MARCHF1: variants seen among roughly 807,000 people sequenced by gnomAD.
MARCHF1 encodes E3 ubiquitin-protein ligase MARCHF1.
In MARCHF1, 40 loss-of-function variants were observed where a neutral mutation model predicts 54.2. The observed-to-expected ratio is 0.74, with a 90% CI of 0.57 to 0.96. The LOEUF (loss-of-function observed/expected upper bound fraction) is 0.96, where lower values mean the gene tolerates loss of function less well. MARCHF1 is among the 40% of genes least tolerant of loss of function. The pLI, the probability that MARCHF1 is intolerant of heterozygous loss-of-function variation, is 0.00. For synonymous variants in MARCHF1, 236 were observed against 236.3 expected (o/e 1.00, Z 0.01); for missense variants, 586 against 656.5 (o/e 0.89, Z 1.17).
chr4:164,189,284 A>G, intron 1 of MARCHF1: 1 of 592,928 alleles, frequency 1.7e-6, no homozygotes, highest in East Asian at 2.8e-5. Flanking sequence ...TCTCCTCAAC[A>G]TCAAGCAAGA....
chr4:163,595,622 G>A (rs887042784), intron 7 of MARCHF1, among the ~76,000 whole-genome samples: 7 of 152,148 alleles, frequency 4.6e-5, no homozygotes, highest in Admixed American at 4.6e-4. Flanking sequence ...GAAATTTGAG[G>A]AAATTATGCC....
chr4:164,101,445 G>A (rs1167903899), intron 2 of MARCHF1, among the ~76,000 whole-genome samples: 73 of 118,968 alleles, frequency 6.1e-4, no homozygotes, highest in Non-Finnish European at 1.2e-3. Context: ...CCTCAAGTGG[G>A]TTCCTGACCC....
chr4:163,894,019 C>T (rs2111279658), intron 3 of MARCHF1, among the ~76,000 whole-genome samples: 1 of 152,284 alleles, frequency 6.6e-6, no homozygotes, highest in East Asian at 1.9e-4. Context: ...CACTTTATGA[C>T]ACCTCAATTA....
chr4:163,755,705 A>G (rs542833350), intron 4 of MARCHF1, among the ~76,000 whole-genome samples: 1 of 152,300 alleles, frequency 6.6e-6, no homozygotes, highest in East Asian at 1.9e-4. Flanking sequence ...AAGATCACCA[A>G]AATAAGTATG....
intron 1 of MARCHF1, among the ~76,000 whole-genome samples, chr4:164,157,545 C>T (rs1408717632): frequency 2.0e-5 from 3 of 152,132 alleles, no homozygotes; most frequent in African/African-American, 7.2e-5. Context: ...TGCTGTTTTG[C>T]AGTTCTGGAA....
intron 2 of MARCHF1, among the ~76,000 whole-genome samples, chr4:164,028,378 A>G (rs1057083769): frequency 1.3e-5 from 2 of 152,198 alleles, no homozygotes; most frequent in Non-Finnish European, 2.9e-5. Context: ...ACACCAAGAA[A>G]TACTTCACAT....
At chr4:164,040,054 T>C (rs1199715431) in intron 2 of MARCHF1, among the ~76,000 whole-genome samples, 1 of 146,562 alleles carries the variant, frequency 6.8e-6, no homozygotes, top group Non-Finnish European at 1.5e-5. Flanking sequence ...AATTTATATA[T>C]ACAAATTATA....
chr4:164,155,598 C>A (rs59965884), intron 1 of MARCHF1, among the ~76,000 whole-genome samples: 1 of 152,086 alleles, frequency 6.6e-6, no homozygotes, highest in Non-Finnish European at 1.5e-5. Flanking sequence ...TCGAATACCA[C>A]ATGTTCTCAC....
At chr4:164,168,395 A>G (rs1485416543) in intron 1 of MARCHF1, among the ~76,000 whole-genome samples, 1 of 152,060 alleles carries the variant, frequency 6.6e-6, no homozygotes, top group Admixed American at 6.6e-5. Flanking sequence ...TTTTCTGTGT[A>G]TATGTCCAAA....
At chr4:164,235,923 T>C (rs1213057519) in intron 1 of MARCHF1, among the ~76,000 whole-genome samples, 2 of 152,122 alleles carry the variant, frequency 1.3e-5, no homozygotes, top group African/African-American at 4.8e-5. Flanking sequence ...GCAAGTTCTT[T>C]TGGCCTCCTC....
intron 3 of MARCHF1, among the ~76,000 whole-genome samples, chr4:163,860,266 T>A (rs1289443692): frequency 6.6e-6 from 1 of 152,128 alleles, no homozygotes; most frequent in African/African-American, 2.4e-5. Context: ...AGGGATTAGA[T>A]TGAAAGTGAG....
chr4:164,176,974 CTCTCTCTATA>C (rs1308909344), intron 1 of MARCHF1, among the ~76,000 whole-genome samples: 614 of 29,808 alleles, frequency 0.021, 5 homozygotes, highest in Admixed American at 0.033. Flanking sequence ...CTCTCTCTCT[CTCTCTCTATA>C]TATATATATA....
At chr4:164,084,722 A>G (rs1331747892) in intron 2 of MARCHF1, among the ~76,000 whole-genome samples, 1 of 75,686 alleles carries the variant, frequency 1.3e-5, no homozygotes, top group Non-Finnish European at 4.4e-5. Flanking sequence ...CTGCAAAGTA[A>G]GCAATGTTTT....
chr4:164,350,578 G>T (rs886575827), intron 1 of MARCHF1, among the ~76,000 whole-genome samples: 1 of 152,086 alleles, frequency 6.6e-6, no homozygotes, highest in Non-Finnish European at 1.5e-5. Context: ...ATCTCTACAC[G>T]CTATATACAC....
intron 1 of MARCHF1, among the ~76,000 whole-genome samples, chr4:164,364,602 C>G (rs1561020202): frequency 6.6e-6 from 1 of 151,818 alleles, no homozygotes. Flanking sequence ...TTAATGTTTC[C>G]TTCAGAGGTT....
intron 1 of MARCHF1, among the ~76,000 whole-genome samples, chr4:164,225,070 AC>A (rs1732213298): frequency 6.6e-6 from 1 of 151,962 alleles, no homozygotes; most frequent in Non-Finnish European, 1.5e-5. Flanking sequence ...CTGCTTCCCA[AC>A]TCCAGGGCTC....
chr4:164,166,104 T>C (rs761204092), intron 1 of MARCHF1, among the ~76,000 whole-genome samples: 8 of 151,996 alleles, frequency 5.3e-5, no homozygotes, highest in Non-Finnish European at 8.8e-5. Flanking sequence ...ACACTCCCAC[T>C]GGAATTTGGG....
intron 2 of MARCHF1, among the ~76,000 whole-genome samples, chr4:164,060,164 G>A (rs13137260): frequency 0.046 from 6,939 of 151,982 alleles, 214 homozygotes; most frequent in Middle Eastern, 0.14. Flanking sequence ...ATTAAGTATG[G>A]CTCATTTTTA....
chr4:164,033,169 A>G (rs1052956924), intron 2 of MARCHF1, among the ~76,000 whole-genome samples: 1 of 150,094 alleles, frequency 6.7e-6, no homozygotes, highest in African/African-American at 2.5e-5. Flanking sequence ...GCAAGACTCC[A>G]TCTCGGGAAA....
Sources: gnomAD v4.1 joint callset for allele counts (sites outside exome capture counted in the v4.1 genomes callset) on GRCh38, gnomAD v4.1.1 for gene constraint, MANE v1.5 for transcripts, NCBI Gene and HGNC (gene_info 2026-07-23, HGNC 2026-07-21) for gene names.